Variants in SGPL1 observed in about 807,000 individuals in gnomAD.
The protein encoded by SGPL1 is sphingosine-1-phosphate lyase 1.
In SGPL1, 37 loss-of-function variants were observed where a neutral mutation model predicts 68.9. That is an observed-to-expected ratio of 0.54 (90% confidence interval 0.41 to 0.71). The LOEUF (loss-of-function observed/expected upper bound fraction) is 0.71. Among genes scored for constraint, SGPL1 ranks in the 30% least tolerant of loss-of-function variants. The pLI is 0.00. For missense variants in SGPL1, 551 were observed against 704.6 expected (o/e 0.78, Z 2.47); for synonymous variants, 236 against 248.5 (o/e 0.95, Z 0.47).
At chr10:70,860,377 CT>C (rs753683569) in intron 7 of SGPL1, 12,035 of 298,438 alleles carry the variant, frequency 0.04, no homozygotes, top group South Asian at 0.071. Context: ...AATTTAGTTT[CT>C]TTTTTTTTTT....
At chr10:70,868,473 C>T in intron 8 of SGPL1, 40 bp downstream of exon 8, 1 of 1,488,462 alleles carries the variant, frequency 6.7e-7, no homozygotes, top group Non-Finnish European at 9.4e-7. Context: ...TTGGATTTGT[C>T]TGTCTGGAGT....
At chr10:70,841,581 T>C (rs978951092) in intron 2 of SGPL1, among the ~76,000 whole-genome samples, 2 of 152,130 alleles carry the variant, frequency 1.3e-5, no homozygotes, top group Non-Finnish European at 2.9e-5. Context: ...ACTAATCTTA[T>C]TCACGAGGCC....
chr10:70,862,036 C>T (rs1268315168), intron 7 of SGPL1, among the ~76,000 whole-genome samples: 1 of 152,248 alleles, frequency 6.6e-6, no homozygotes, highest in Non-Finnish European at 1.5e-5. Context: ...AGGCGCACAG[C>T]GCAGGACTGG....
chr10:70,820,705 G>A lies in SGPL1; in HGVS notation c.27+3825G>A, dbSNP rs1845322902. Among the ~76,000 whole-genome samples the A allele has an allele frequency of 3.3e-5, 5 of 151,962 alleles. 1 individual carries two copies. The South Asian group carries it at 1.0e-3, about 32-fold the overall frequency. On this transcript the variant is annotated intron_variant, in intron 2 of 14. Coordinates refer to ENST00000373202, the MANE Select transcript of SGPL1 (RefSeq NM_003901.4). The stretch of plus-strand genomic sequence containing the variant: ...CAAGAGAGTTGCTTGAACCCGGGAG[G>A]TGGAGGTTGCAGTGAGCTGAAGCTG...
At chr10:70,875,270 G>C in intron 12 of SGPL1, 132 bp from the exon 13 acceptor site, 1 of 609,312 alleles carries the variant, frequency 1.6e-6, no homozygotes, top group Non-Finnish European at 2.9e-6. Context: ...TTGAAGATGA[G>C]AAGACTAAAG....
intron 3 of SGPL1, among the ~76,000 whole-genome samples, chr10:70,849,221 G>A (rs1393686440): frequency 1.3e-5 from 2 of 152,060 alleles, no homozygotes; most frequent in South Asian, 4.2e-4. Context: ...CATCAAATAA[G>A]GAAGCATTTC....
At chr10:70,819,546 G>C (rs1347765931) in intron 2 of SGPL1, among the ~76,000 whole-genome samples, 1 of 151,558 alleles carries the variant, frequency 6.6e-6, no homozygotes, top group Admixed American at 6.6e-5. Context: ...GGGAAGAAAG[G>C]ACCTAAGTGA....
chr10:70,834,390 G>A (rs1845592040), intron 2 of SGPL1, among the ~76,000 whole-genome samples: 1 of 152,132 alleles, frequency 6.6e-6, no homozygotes, highest in Non-Finnish European at 1.5e-5. Context: ...ACCAGGGAAG[G>A]CACATTTTGG....
At chr10:70,852,815 T>C (rs1845909038) in intron 4 of SGPL1, among the ~76,000 whole-genome samples, 1 of 152,248 alleles carries the variant, frequency 6.6e-6, no homozygotes. Context: ...AGTACTTTTC[T>C]GGGTGCTGGG....
intron 2 of SGPL1, among the ~76,000 whole-genome samples, chr10:70,834,137 A>C (rs7087539): frequency 0.21 from 31,405 of 152,008 alleles, 3,445 homozygotes; most frequent in East Asian, 0.36. Context: ...TCTTTTAATA[A>C]AAGAAAAGGA....
intron 2 of SGPL1, among the ~76,000 whole-genome samples, chr10:70,843,999 G>A (rs1466883521): frequency 2.0e-5 from 3 of 152,174 alleles, no homozygotes; most frequent in African/African-American, 4.8e-5. Context: ...AGTTGTAAAG[G>A]AGAATGTTTG....
At chr10:70,842,526 G>A (rs549795615) in intron 2 of SGPL1, among the ~76,000 whole-genome samples, 5 of 152,166 alleles carry the variant, frequency 3.3e-5, no homozygotes, top group East Asian at 1.9e-4. Context: ...ATCTGCTTCC[G>A]GTGAGACCTC....
intron 3 of SGPL1, among the ~76,000 whole-genome samples, chr10:70,850,262 A>C (rs1427218415): frequency 6.6e-6 from 1 of 151,824 alleles, no homozygotes; most frequent in Non-Finnish European, 1.5e-5. Flanking sequence ...CAGTCCTCCC[A>C]CCTCGGCCTC....
At chr10:70,845,095 G>A (rs1438692490) in intron 3 of SGPL1, among the ~76,000 whole-genome samples, 1 of 151,968 alleles carries the variant, frequency 6.6e-6, no homozygotes, top group Non-Finnish European at 1.5e-5. Flanking sequence ...TTTGTCTTCT[G>A]ATTGGTCAAG....
intron 1 of SGPL1, 57 bp from the exon 2 acceptor site, chr10:70,816,754 G>C: frequency 8.3e-7 from 1 of 1,207,712 alleles, no homozygotes; most frequent in Non-Finnish European, 1.2e-6. Flanking sequence ...GAATCTAGGC[G>C]GGCTGGCGAG....
chr10:70,871,937 T>C lies in SGPL1; in HGVS notation c.1010T>C (p.Phe337Ser). The C allele has an allele frequency of 6.2e-7, 1 of 1,614,192 alleles. No individual in the cohort carries two copies. Residue 337 changes from phenylalanine (F) to serine (S), a missense_variant, in exon 11 of 15, where the codon TTT becomes TCT. Phe to Ser is a radical substitution (Grantham distance 155). Transcript: ENST00000373202. Reference protein sequence around the residue: ...EKAGYPLEHPFDFRVKGVTSI... With the variant: ...EKAGYPLEHPSDFRVKGVTSI... ...GCAGGATACCCACTGGAGCACCCAT[T>C]TGATTTCCGGGTGAAAGGTGTAACC...
At chr10:70,835,757 ATG>A (rs1845618469) in intron 2 of SGPL1, among the ~76,000 whole-genome samples, 1 of 151,590 alleles carries the variant, frequency 6.6e-6, no homozygotes, top group Non-Finnish European at 1.5e-5. Flanking sequence ...AAAAAAAGAA[ATG>A]CCAAGAAGAC....
At chr10:70,874,900 G>A (rs560955025) in intron 12 of SGPL1, among the ~76,000 whole-genome samples, 1 of 152,200 alleles carries the variant, frequency 6.6e-6, no homozygotes, top group African/African-American at 2.4e-5. Context: ...GCAAGACCCT[G>A]TCTCAAATAA....
intron 2 of SGPL1, among the ~76,000 whole-genome samples, chr10:70,827,836 A>G (rs1035017533): frequency 4.6e-5 from 7 of 152,188 alleles, no homozygotes; most frequent in African/African-American, 1.7e-4. Context: ...GATACCTACC[A>G]AAGGTTTTGC....
Sources: gnomAD v4.1 joint callset for allele counts (sites outside exome capture counted in the v4.1 genomes callset) on GRCh38, gnomAD v4.1.1 for gene constraint, MANE v1.5 for transcripts, NCBI Gene and HGNC (gene_info 2026-07-23, HGNC 2026-07-21) for gene names.